The following GPD2 variants were observed in gnomAD, a reference collection of about 807,000 sequenced individuals.
GPD2 encodes glycerol-3-phosphate dehydrogenase 2, also known as glycerol-3-phosphate dehydrogenase, mitochondrial.
GPD2 carries 54 observed loss-of-function variants against 82.4 expected under a neutral mutation model. The ratio of observed to expected loss-of-function variants is 0.66; its 90% CI spans 0.53 to 0.82. GPD2 has a LOEUF of 0.82. Among genes scored for constraint, GPD2 ranks in the 40% least tolerant of loss-of-function variants. GPD2 has a pLI of 0.00. For missense variants in GPD2, 748 were observed against 896.2 expected (o/e 0.83, Z 2.11); for synonymous variants, 288 against 306.1 (o/e 0.94, Z 0.62).
At chr2:156,503,897 T>C (rs1234338449) in intron 3 of GPD2, among the ~76,000 whole-genome samples, 1 of 152,168 alleles carries the variant, frequency 6.6e-6, no homozygotes, top group Non-Finnish European at 1.5e-5. Flanking sequence ...CTTTGAACAT[T>C]GGGTATGTTT....
intron 6 of GPD2, among the ~76,000 whole-genome samples, chr2:156,535,858 G>C (rs762664958): frequency 3.9e-5 from 6 of 152,160 alleles, no homozygotes; most frequent in Non-Finnish European, 8.8e-5. Flanking sequence ...AAGAATGCCT[G>C]GTGCATGCTA....
intron 6 of GPD2, among the ~76,000 whole-genome samples, chr2:156,545,163 C>T (rs67435959): frequency 6.6e-6 from 1 of 151,984 alleles, no homozygotes; most frequent in Non-Finnish European, 1.5e-5. Context: ...ACACACACAT[C>T]CCTGTTTTGC....
intron 6 of GPD2, among the ~76,000 whole-genome samples, chr2:156,539,473 G>A (rs1686219039): frequency 6.6e-6 from 1 of 152,146 alleles, no homozygotes; most frequent in South Asian, 2.1e-4. Context: ...TCAGGACATT[G>A]GGTTCAGGTC....
In GPD2 at chr2:156,584,194, G is replaced by C. The variant is rs375083233; in HGVS notation, c.*1276G>C. ...AAGTAATGCAGTTTGGGATGCTTTT[G>C]CTACATTTTGGTGGCATTTTAACTA... On this transcript the variant is annotated 3_prime_UTR_variant, in exon 17 of 17. Transcript: ENST00000438166. 2.0e-5 allele frequency: 3 copies of C among 152,078 alleles called. No individual in the cohort carries two copies. In the East Asian group the frequency reaches 5.8e-4, roughly 30 times the overall value. The allele number at this position is 152,078 out of a possible 1,614,324, so 9.4% of individuals were successfully genotyped here.
chr2:156,451,914 C>G (rs941778078), intron 1 of GPD2, among the ~76,000 whole-genome samples: 6 of 147,690 alleles, frequency 4.1e-5, no homozygotes, highest in East Asian at 2.1e-4. Flanking sequence ...ACCTCCCAGA[C>G]GGGGTCGCGG....
intron 12 of GPD2, among the ~76,000 whole-genome samples, chr2:156,570,872 A>G (rs1017522694): frequency 6.6e-6 from 1 of 152,166 alleles, no homozygotes; most frequent in African/African-American, 2.4e-5. Flanking sequence ...AAGTGATGCA[A>G]TTTGCATGTT....
chr2:156,434,078 C>T (rs976593935), upstream of GPD2, among the ~76,000 whole-genome samples: 1 of 152,058 alleles, frequency 6.6e-6, no homozygotes, highest in South Asian at 2.1e-4. Context: ...TATAACCAGT[C>T]TCATGATGTT....
intron 9 of GPD2, among the ~76,000 whole-genome samples, chr2:156,562,632 T>C (rs1687217496): frequency 6.6e-6 from 1 of 152,146 alleles, no homozygotes; most frequent in Non-Finnish European, 1.5e-5. Context: ...AAACCGCACA[T>C]TTACCTCTTA....
At chr2:156,521,426 A>G (rs570731501) in intron 6 of GPD2, among the ~76,000 whole-genome samples, 1 of 152,338 alleles carries the variant, frequency 6.6e-6, no homozygotes, top group South Asian at 2.1e-4. Context: ...TATGACACCT[A>G]ATTCACAGGC....
intron 1 of GPD2, among the ~76,000 whole-genome samples, chr2:156,455,872 T>C (rs1448399178): frequency 1.3e-5 from 2 of 152,236 alleles, no homozygotes; most frequent in African/African-American, 4.8e-5. Flanking sequence ...CAAATGTTTG[T>C]TGAGTAAATG....
chr2:156,418,307 T>C, the GPD2 span, among the ~76,000 whole-genome samples: 1 of 151,878 alleles, frequency 6.6e-6, no homozygotes, highest in South Asian at 2.1e-4. Context: ...GGAGAATTGC[T>C]TGAACCTGGG....
At chr2:156,512,344 C>A in intron 5 of GPD2, 27 bp downstream of exon 5, 1 of 1,042,908 alleles carries the variant, frequency 9.6e-7, no homozygotes, top group Non-Finnish European at 1.5e-6. Flanking sequence ...CACCTGTATG[C>A]ATTTGCTTCT....
the GPD2 span, among the ~76,000 whole-genome samples, chr2:156,418,739 G>C: frequency 1.3e-5 from 2 of 152,270 alleles, no homozygotes; most frequent in East Asian, 3.9e-4. Flanking sequence ...TACAATCCTG[G>C]TGTACGTTAT....
At chr2:156,509,002 A>G (rs944579173) in intron 3 of GPD2, among the ~76,000 whole-genome samples, 2 of 152,186 alleles carry the variant, frequency 1.3e-5, no homozygotes, top group Non-Finnish European at 2.9e-5. Context: ...CACTTCTAAT[A>G]TCAGGATTTT....
intron 8 of GPD2, among the ~76,000 whole-genome samples, chr2:156,553,301 G>A (rs1297479278): frequency 5.9e-5 from 9 of 152,174 alleles, no homozygotes; most frequent in Non-Finnish European, 1.2e-4. Context: ...TGTCTGGCAC[G>A]TATTAGTGCC....
At chr2:156,439,514 A>AAAT (rs1682068566) in intron 1 of GPD2, among the ~76,000 whole-genome samples, 1 of 24,110 alleles carries the variant, frequency 4.1e-5, no homozygotes, top group Admixed American at 3.5e-4. Flanking sequence ...ACTGTCTCAG[A>AAAT]AAAAAAAAAA....
chr2:156,562,950 G>T (rs1687229779), intron 9 of GPD2, among the ~76,000 whole-genome samples: 1 of 152,130 alleles, frequency 6.6e-6, no homozygotes, highest in East Asian at 1.9e-4. Context: ...AATTAACTGG[G>T]TGCCCTCTAG....
At chr2:156,545,792 G>C (rs1420762207) in intron 6 of GPD2, among the ~76,000 whole-genome samples, 1 of 151,198 alleles carries the variant, frequency 6.6e-6, no homozygotes, top group African/African-American at 2.4e-5. Context: ...TTCTTTTTTT[G>C]AGCTATTTTG....
chr2:156,569,610 C>A, intron 11 of GPD2, 72 bp downstream of exon 11: 2 of 858,728 alleles, frequency 2.3e-6, no homozygotes, highest in Non-Finnish European at 3.8e-6. Context: ...GAACTGGCAG[C>A]AATCAGGTCT....
Sources: gnomAD v4.1 joint callset for allele counts (sites outside exome capture counted in the v4.1 genomes callset) on GRCh38, gnomAD v4.1.1 for gene constraint, MANE v1.5 for transcripts, NCBI Gene and HGNC (gene_info 2026-07-23, HGNC 2026-07-21) for gene names.